The following PAPSS1 variants were observed in gnomAD, a reference collection of about 807,000 sequenced individuals.
PAPSS1 encodes bifunctional 3'-phosphoadenosine 5'-phosphosulfate synthase 1.
In PAPSS1, 50 loss-of-function variants were observed where a neutral mutation model predicts 72.0. The ratio of observed to expected loss-of-function variants is 0.69; its 90% CI spans 0.55 to 0.88. The LOEUF (loss-of-function observed/expected upper bound fraction) is 0.88, where lower values mean the gene tolerates loss of function less well. Ranked by LOEUF, PAPSS1 falls within the 40% of genes least tolerant of loss-of-function variation. PAPSS1 has a pLI of 0.00. For missense variants in PAPSS1, 657 were observed against 782.2 expected (o/e 0.84, Z 1.91); for synonymous variants, 261 against 263.6 (o/e 0.99, Z 0.09).
At position 107,693,664 on chromosome 4, in the gene PAPSS1, G is replaced by A. The variant is rs112357065; in HGVS notation, c.411+107C>T. On this transcript the variant is annotated intron_variant, in intron 3 of 11. Transcript: ENST00000265174. ...ACAAAGAGATGGTAGCTGGGGAGGA[G>A]TAGAGTTAGCCTCAAAGCACATATC... 2.3e-3 allele frequency: 1,674 copies of A among 726,674 alleles called. 6 individuals are homozygous for A. Among genetic ancestry groups the A allele is most frequent in the Non-Finnish European group, 3.6e-3 (1,498 of 418,338 alleles). The allele number at this position is 726,674 out of a possible 1,614,324, so 45.0% of individuals were successfully genotyped here. A position where few individuals can be genotyped will look rare whatever the true frequency, so the allele number is the denominator to read the frequency against.
At position 107,621,746 on chromosome 4, in the gene PAPSS1, G is replaced by A. The variant is rs376223772; in HGVS notation, c.1737-7359C>T. 1.0e-4 allele frequency among the ~76,000 whole-genome samples: 15 copies of A among 146,964 alleles called. No homozygotes were observed. The East Asian group carries it at 2.1e-3, about 20-fold the overall frequency. On this transcript the variant is annotated intron_variant, in intron 11 of 11. Coordinates refer to ENST00000265174, the MANE Select transcript of PAPSS1 (RefSeq NM_005443.5). ...CGCCATTCTCCTGCCTCAGCCTCCC[G>A]AGTAGCTGGGACTACAGGTGCCTGC...
rs76970898 is a variant in PAPSS1 at position 107,714,340 on chromosome 4, G to A, written c.60+5780C>T. ...ACTGAGCCCAATCTCTCTCCCCTAC[G>A]GCAAAACTCCACTGCAGAAGTCTCT... On this transcript the variant is annotated intron_variant, in intron 1 of 11. Transcript: ENST00000265174. Among the ~76,000 whole-genome samples, 1,097 of 152,100 alleles carry A rather than the reference G, an allele frequency of 7.2e-3. 16 individuals carry two copies. The highest frequency in any genetic ancestry group is 0.025 in the African/African-American group (1,044 of 41,468).
At chr4:107,656,793 A>G (rs915409854) in intron 7 of PAPSS1, 103 bp downstream of exon 7, 6 of 770,762 alleles carry the variant, frequency 7.8e-6, no homozygotes, top group African/African-American at 1.7e-5. Context: ...TGCTACCTCT[A>G]TTAAGACGTT....
chr4:107,662,537 CA>C (rs1727209361), intron 5 of PAPSS1, among the ~76,000 whole-genome samples: 1 of 149,946 alleles, frequency 6.7e-6, no homozygotes, highest in Non-Finnish European at 1.5e-5. Context: ...CCAAGGAGTT[CA>C]AAGCAGTGAC....
intron 1 of PAPSS1, among the ~76,000 whole-genome samples, chr4:107,707,613 G>A (rs1168850953): frequency 1.3e-5 from 2 of 152,242 alleles, no homozygotes; most frequent in East Asian, 1.9e-4. Flanking sequence ...CTTTCTCCAC[G>A]TGCTGCCTGA....
At chr4:107,682,481 C>T (rs76828421) in intron 4 of PAPSS1, among the ~76,000 whole-genome samples, 1 of 152,236 alleles carries the variant, frequency 6.6e-6, no homozygotes, top group East Asian at 1.9e-4. Context: ...GTGTGTCGGA[C>T]GTGTTGCACT....
chr4:107,654,850 C>T lies in PAPSS1; in HGVS notation c.946G>A (p.Asp316Asn). The T allele has an allele frequency of 6.2e-7, 1 of 1,614,068 alleles. No homozygotes were observed. Among genetic ancestry groups the T allele is most frequent in the Non-Finnish European group, 8.5e-7 (1 of 1,179,962 alleles). Residue 316 changes from aspartate to asparagine, a missense_variant, in exon 8 of 12, where the codon GAT becomes AAT. Asp to Asn is a conservative substitution (Grantham distance 23). Coordinates refer to ENST00000265174, the MANE Select transcript of PAPSS1 (RefSeq NM_005443.5). ...GTACAGCCGTCCAGCCTCTCTTTATCTTCATGAGTCGCAGTCAGAACTATA... is the reference window on the plus strand; with the variant it reads ...GTACAGCCGTCCAGCCTCTCTTTATTTTCATGAGTCGCAGTCAGAACTATA... ...VPIVLTATHE[D>N]KERLDGCTAF... is the part of the protein sequence containing the mutation.
rs569689907 is a variant in PAPSS1, at chr4:107,694,119, T to G, written c.176-113A>C. ...TCTTGCTCTGCCACCCAGGCTGGAG[T>G]GCAGAGGCTGCATAGCTCACTGCAG... On this transcript the variant is annotated intron_variant, in intron 2 of 11. Transcript: ENST00000265174. 11 of 711,240 alleles carry G rather than the reference T, an allele frequency of 1.5e-5. No homozygotes were observed. The East Asian group carries it at 2.7e-4, about 17-fold the overall frequency. The allele number at this position is 711,240 out of a possible 1,614,324, so 44.1% of individuals were successfully genotyped here.
intron 11 of PAPSS1, among the ~76,000 whole-genome samples, chr4:107,629,206 C>T (rs960491050): frequency 1.4e-4 from 21 of 152,174 alleles, no homozygotes; most frequent in African/African-American, 4.6e-4. Context: ...GAACAAACAT[C>T]AACTTTATGG....
At chr4:107,656,818 T>C in intron 7 of PAPSS1, 78 bp downstream of exon 7, 1 of 1,017,282 alleles carries the variant, frequency 9.8e-7, no homozygotes, top group South Asian at 1.3e-5. Context: ...TACTACTTTT[T>C]GTAAACAGTG....
intron 11 of PAPSS1, among the ~76,000 whole-genome samples, chr4:107,622,209 TC>T (rs1487170555): frequency 6.6e-6 from 1 of 152,164 alleles, no homozygotes; most frequent in Non-Finnish European, 1.5e-5. Context: ...AAAAAAAATG[TC>T]TTCAACGTAG....
At chr4:107,712,903 A>G (rs1192922651) in intron 1 of PAPSS1, among the ~76,000 whole-genome samples, 1 of 150,508 alleles carries the variant, frequency 6.6e-6, no homozygotes, top group East Asian at 2.0e-4. Flanking sequence ...TTGTGTTATT[A>G]TCCATACAAT....
chr4:107,655,416 G>GT (rs1468194435), intron 7 of PAPSS1, among the ~76,000 whole-genome samples: 2 of 152,100 alleles, frequency 1.3e-5, no homozygotes, highest in Admixed American at 1.3e-4. Context: ...TATCCAAAAA[G>GT]TTTTTTTAAA....
At chr4:107,712,278 C>T (rs1456537283) in intron 1 of PAPSS1, among the ~76,000 whole-genome samples, 1 of 152,142 alleles carries the variant, frequency 6.6e-6, no homozygotes, top group East Asian at 1.9e-4. Flanking sequence ...TTTCTAGACA[C>T]TCAGGACACA....
At chr4:107,621,608 C>CT (rs10670438) in intron 11 of PAPSS1, among the ~76,000 whole-genome samples, 10,093 of 47,934 alleles carry the variant, frequency 0.21, 3,029 homozygotes, top group Non-Finnish European at 0.29. Context: ...GGTTTTTTAT[C>CT]TTTTTTTTTT....
intron 10 of PAPSS1, among the ~76,000 whole-genome samples, chr4:107,634,479 A>G (rs1726307880): frequency 6.6e-6 from 1 of 152,216 alleles, no homozygotes; most frequent in African/African-American, 2.4e-5. Flanking sequence ...ATATTAATTT[A>G]CATTCCCACC....
At position 107,625,414 on chromosome 4, in the gene PAPSS1, TG is replaced by T. The variant is rs1194941875; in HGVS notation, c.1736+6216del. On this transcript the variant is annotated intron_variant, in intron 11 of 11. Transcript: ENST00000265174. ...TCTGAGGCATGACAGGGATGCAACA[TG>T]AGGGAGGTTCTACTGCTGAGATGAA... is the stretch of plus-strand genomic sequence containing the variant. 2.0e-5 allele frequency among the ~76,000 whole-genome samples: 3 copies of T among 151,990 alleles called. No homozygotes were observed. In the East Asian group the frequency reaches 5.8e-4, roughly 29 times the overall value.
rs529252822 is a variant in PAPSS1 at position 107,718,844 on chromosome 4, T to G, written c.60+1276A>C. On this transcript the variant is annotated intron_variant, in intron 1 of 11. Transcript: ENST00000265174. ...AAACTGAGTCTGAGTTTCAAGGCAG[T>G]GGTTTCACCGCACATTCAAATTCAT... Among the ~76,000 whole-genome samples, 3 of 152,350 alleles carry G rather than the reference T, an allele frequency of 2.0e-5. No individual in the cohort carries two copies. In the East Asian group the frequency reaches 5.8e-4, roughly 29 times the overall value.
At chr4:107,712,730 G>A (rs1358545896) in intron 1 of PAPSS1, among the ~76,000 whole-genome samples, 1 of 151,906 alleles carries the variant, frequency 6.6e-6, no homozygotes, top group Non-Finnish European at 1.5e-5. Context: ...AAAATTAGCT[G>A]GGCGTGGTGA....
Sources: allele counts gnomAD v4.1 joint callset (sites outside exome capture counted in the v4.1 genomes callset), GRCh38; gene constraint gnomAD v4.1.1; transcripts MANE v1.5; gene names NCBI Gene and HGNC (gene_info 2026-07-23, HGNC 2026-07-21).